Variants in STON2 observed in about 807,000 individuals in gnomAD.
The protein encoded by STON2 is stonin 2, also known as stonin-2.
A neutral mutation model predicts 65.7 loss-of-function variants in STON2; 29 were observed. The observed-to-expected ratio is 0.44, with a 90% CI of 0.33 to 0.60. The LOEUF is 0.60. STON2 is among the 20% of genes least tolerant of loss of function. The pLI is 0.03. For missense variants in STON2, 1,054 were observed against 1,118.1 expected (o/e 0.94, Z 0.82); for synonymous variants, 404 against 414.2 (o/e 0.98, Z 0.30).
At chr14:81,306,220 CTTTTTTT>C (rs59730707) in intron 5 of STON2, among the ~76,000 whole-genome samples, 2 of 69,490 alleles carry the variant, frequency 2.9e-5, no homozygotes, top group Non-Finnish European at 2.6e-5. Flanking sequence ...CATACATACT[CTTTTTTT>C]TTTTTTTTTT....
At chr14:81,280,839 T>G (rs1785363023) in intron 5 of STON2, among the ~76,000 whole-genome samples, 2 of 151,948 alleles carry the variant, frequency 1.3e-5, no homozygotes, top group Non-Finnish European at 1.5e-5. Context: ...GGTGAAACCC[T>G]GTCTCTACTA....
chr14:81,414,151 G>A (rs1167533149), intron 2 of STON2, among the ~76,000 whole-genome samples: 2 of 131,514 alleles, frequency 1.5e-5, no homozygotes, highest in East Asian at 2.9e-4. Flanking sequence ...CCCACTGACC[G>A]GGATACAGAG....
intron 5 of STON2, among the ~76,000 whole-genome samples, chr14:81,308,866 ACAT>A (rs1896311870): frequency 5.7e-5 from 1 of 17,422 alleles, no homozygotes; most frequent in South Asian, 1.8e-3. Context: ...ATACATACAT[ACAT>A]ACATACATAC....
At chr14:81,384,249 A>ATTTAT (rs1303539784) in intron 3 of STON2, among the ~76,000 whole-genome samples, 1 of 151,240 alleles carries the variant, frequency 6.6e-6, no homozygotes, top group East Asian at 1.9e-4. Flanking sequence ...TTATTTATTT[A>ATTTAT]TTTATTTTAT....
intron 4 of STON2, among the ~76,000 whole-genome samples, chr14:81,327,462 G>A (rs954238236): frequency 1.3e-5 from 2 of 151,924 alleles, no homozygotes; most frequent in African/African-American, 4.8e-5. Flanking sequence ...AAGTTTGATC[G>A]CATTTAGATT....
intron 2 of STON2, among the ~76,000 whole-genome samples, chr14:81,423,443 T>C (rs954196378): frequency 6.6e-6 from 1 of 152,188 alleles, no homozygotes; most frequent in African/African-American, 2.4e-5. Flanking sequence ...ACTGTCACCC[T>C]AGAACAACTT....
chr14:81,274,499 C>T (rs1166683778), intron 6 of STON2, among the ~76,000 whole-genome samples: 3 of 151,962 alleles, frequency 2.0e-5, no homozygotes, highest in Admixed American at 6.6e-5. Flanking sequence ...TGTCCTGTAT[C>T]CATCCTCCCT....
rs2140072219 is a variant in STON2 at position 81,261,281 on chromosome 14, G to A, written c.*7133C>T. 6.6e-6 allele frequency: 1 copy of A among 152,364 alleles called. No individual in the cohort carries two copies. Among genetic ancestry groups the A allele is most frequent in the African/African-American group, 2.4e-5 (1 of 41,540 alleles). The allele number at this position is 152,364 out of a possible 1,614,324, so 9.4% of individuals were successfully genotyped here. ...CAACAGTGCTTAAGGCTTCAGTCAT[G>A]GTGTGGGGCTAGACAGCATCCCCAA... On this transcript the variant is annotated 3_prime_UTR_variant, in exon 8 of 8. Coordinates refer to ENST00000614646, the MANE Select transcript of STON2 (RefSeq NM_001394390.1).
chr14:81,359,611 A>G (rs1160875849), intron 4 of STON2, among the ~76,000 whole-genome samples: 1 of 152,184 alleles, frequency 6.6e-6, no homozygotes, highest in Admixed American at 6.5e-5. Context: ...TGAAAAGATA[A>G]CATGGATGAA....
At chr14:81,321,221 G>A (rs945289969) in intron 5 of STON2, among the ~76,000 whole-genome samples, 4 of 152,134 alleles carry the variant, frequency 2.6e-5, no homozygotes, top group South Asian at 2.1e-4. Flanking sequence ...GGATGGCTCC[G>A]CTCAAATTCT....
chr14:81,370,140 G>A (rs1176571036), intron 4 of STON2, among the ~76,000 whole-genome samples: 1 of 152,106 alleles, frequency 6.6e-6, no homozygotes, highest in African/African-American at 2.4e-5. Context: ...CATAGCATGA[G>A]GGCAAACATC....
intron 3 of STON2, among the ~76,000 whole-genome samples, chr14:81,379,848 G>C (rs1386189918): frequency 6.6e-6 from 1 of 152,128 alleles, no homozygotes; most frequent in Non-Finnish European, 1.5e-5. Context: ...AATAACTCAA[G>C]ATGGATTAAA....
At chr14:81,384,538 T>C (rs1236374327) in intron 3 of STON2, among the ~76,000 whole-genome samples, 1 of 152,172 alleles carries the variant, frequency 6.6e-6, no homozygotes, top group Non-Finnish European at 1.5e-5. Context: ...GCCCAGCCCC[T>C]AACACACTTA....
chr14:81,421,592 G>C (rs968961775), intron 2 of STON2, among the ~76,000 whole-genome samples: 2 of 152,214 alleles, frequency 1.3e-5, no homozygotes, highest in African/African-American at 2.4e-5. Context: ...ATGTTATCAA[G>C]ATATGGGGAT....
chr14:81,397,498 A>G (rs1168026624), intron 2 of STON2, among the ~76,000 whole-genome samples: 1 of 152,204 alleles, frequency 6.6e-6, no homozygotes, highest in Non-Finnish European at 1.5e-5. Context: ...ATCCCAATTC[A>G]GACTTGTCAC....
intron 4 of STON2, among the ~76,000 whole-genome samples, chr14:81,343,587 T>A (rs1357498406): frequency 6.6e-6 from 1 of 152,216 alleles, no homozygotes; most frequent in African/African-American, 2.4e-5. Context: ...AAACCGCCTT[T>A]ATGAAAACTA....
At chr14:81,418,585 C>T (rs1363706226) in intron 2 of STON2, among the ~76,000 whole-genome samples, 1 of 152,200 alleles carries the variant, frequency 6.6e-6, no homozygotes, top group African/African-American at 2.4e-5. Context: ...CCAGCATACA[C>T]ATTGTTAATC....
At chr14:81,314,208 C>T (rs1489259880) in intron 5 of STON2, among the ~76,000 whole-genome samples, 1 of 152,232 alleles carries the variant, frequency 6.6e-6, no homozygotes, top group Admixed American at 6.5e-5. Context: ...GCCAAGGCCA[C>T]TTCCTGGTAG....
At position 81,278,414 on chromosome 14, in the gene STON2, G is replaced by A; in HGVS notation, c.1068C>T (p.Arg356=). 1 of 1,614,224 alleles carries A rather than the reference G, an allele frequency of 6.2e-7. No individual in the cohort carries two copies. The highest frequency in any genetic ancestry group is 8.5e-7 in the Non-Finnish European group (1 of 1,180,030). ...GTGAAGCCTCAGTTACAGAAGGCGT[G>A]CGGTTTAAAGAGGAAATATCCAGCT... ...VQKLDISSLN[R]TPSVTEASPW... The change falls in exon 6 of 8, where the codon CGC becomes CGT. Residue 356 remains arginine (R), a synonymous_variant. Transcript: ENST00000614646.
Sources: allele counts gnomAD v4.1 joint callset (sites outside exome capture counted in the v4.1 genomes callset), GRCh38; gene constraint gnomAD v4.1.1; transcripts MANE v1.5; gene names NCBI Gene and HGNC (gene_info 2026-07-23, HGNC 2026-07-21).